BCAS3: variants seen among roughly 807,000 people sequenced by gnomAD.
BCAS3 encodes the protein BCAS3 microtubule associated cell migration factor.
Under a neutral mutation model 116.1 loss-of-function variants are expected in BCAS3, and 53 were observed. That is an observed-to-expected ratio of 0.46 (90% confidence interval 0.37 to 0.57). The LOEUF (loss-of-function observed/expected upper bound fraction) is 0.57. Ranked by LOEUF, BCAS3 falls within the 20% of genes least tolerant of loss-of-function variation. The pLI is 0.00. For missense variants in BCAS3, 917 were observed against 1,165.4 expected (o/e 0.79, Z 3.10); for synonymous variants, 391 against 408.2 (o/e 0.96, Z 0.51).
chr17:60,982,453 G>A (rs1458762891), intron 14 of BCAS3, among the ~76,000 whole-genome samples: 2 of 152,142 alleles, frequency 1.3e-5, no homozygotes, highest in Admixed American at 6.5e-5. Context: ...AGCTACAAGT[G>A]CATCATTGCG....
intron 22 of BCAS3, among the ~76,000 whole-genome samples, chr17:61,247,205 G>T (rs2048040530): frequency 6.6e-6 from 1 of 152,084 alleles, no homozygotes; most frequent in Non-Finnish European, 1.5e-5. Flanking sequence ...ATTTGATAAA[G>T]ATGAGGTTTT....
Position 61,122,636 on chromosome 17 carries a change from C to T in BCAS3, c.2425+38072C>T, listed in dbSNP as rs1370018894. Reference sequence around the variant, plus strand: ...AGGTCAGAACAAACATTATCTTGCTCCCATATGTTTTTGTAGGATCTTGAA... The same window carrying T: ...AGGTCAGAACAAACATTATCTTGCTTCCATATGTTTTTGTAGGATCTTGAA... On this transcript the variant is annotated intron_variant, in intron 22 of 23. Coordinates refer to ENST00000407086, the MANE Select transcript of BCAS3 (RefSeq NM_017679.5). The surrounding 1 kb of genome is among the most constrained non-coding windows in gnomAD (Gnocchi z 4.6). Among the ~76,000 whole-genome samples the T allele has an allele frequency of 1.3e-5, 2 of 152,108 alleles. No homozygotes were observed. The highest frequency in any genetic ancestry group is 4.8e-5 in the African/African-American group (2 of 41,398).
In BCAS3 at chr17:61,333,659, C is replaced by T. The variant is rs1340846175; in HGVS notation, c.2426-34668C>T. ...TTTTTGAGACAGAGTCTCGCTCTGT[C>T]GCCTAGGCTGGAGTGCAGTGGTGCG... On this transcript the variant is annotated intron_variant, in intron 22 of 23. Transcript: ENST00000407086. The surrounding 1 kb of genome is among the most constrained non-coding windows in gnomAD (Gnocchi z 4.8). 1.4e-5 allele frequency among the ~76,000 whole-genome samples: 2 copies of T among 147,838 alleles called. No individual in the cohort carries two copies. The highest frequency in any genetic ancestry group is 3.0e-5 in the Non-Finnish European group (2 of 67,538).
intron 7 of BCAS3, among the ~76,000 whole-genome samples, chr17:60,814,311 G>A (rs182688873): frequency 1.5e-4 from 22 of 150,142 alleles, no homozygotes; most frequent in Admixed American, 4.0e-4. Flanking sequence ...GTGTGTGCGC[G>A]CGTGCCCATT....
chr17:61,323,819 G>A lies in BCAS3; in HGVS notation c.2426-44508G>A, dbSNP rs1441195857. On this transcript the variant is annotated intron_variant, in intron 22 of 23. Coordinates refer to ENST00000407086, the MANE Select transcript of BCAS3 (RefSeq NM_017679.5). This position sits in a 1 kb window ranked among gnomAD's most constrained non-coding sequence, Gnocchi z 4.6. Reference sequence around the variant, plus strand: ...GCTGCTGGTAAGTGATCCAGCAGAAGCAGGCAGCCCTGGCTTATCCATGGC... The same window carrying A: ...GCTGCTGGTAAGTGATCCAGCAGAAACAGGCAGCCCTGGCTTATCCATGGC... Among the ~76,000 whole-genome samples, 1 of 152,242 alleles carries A rather than the reference G, an allele frequency of 6.6e-6. No homozygotes were observed. Among genetic ancestry groups the A allele is most frequent in the Non-Finnish European group, 1.5e-5 (1 of 68,054 alleles).
At position 60,807,997 on chromosome 17, in the gene BCAS3, C is replaced by T; in HGVS notation, c.404-7C>T. 1.3e-6 allele frequency: 2 copies of T among 1,586,314 alleles called. No individual in the cohort carries two copies. The highest frequency in any genetic ancestry group is 1.1e-5 in the South Asian group (1 of 88,904). On this transcript the variant is annotated splice_polypyrimidine_tract_variant and splice_region_variant and intron_variant, in intron 6 of 23. Coordinates refer to ENST00000407086, the MANE Select transcript of BCAS3 (RefSeq NM_017679.5). ...AAGCTTACAATTTATTTTATCCTTC[C>T]TGTCAGGTGCTCAAAAATGTGATAA... is the stretch of plus-strand genomic sequence containing the variant.
rs1191224393 is a variant in BCAS3 at position 60,964,890 on chromosome 17, CCTTT to C, written c.1221+17543_1221+17546del. On this transcript the variant is annotated intron_variant, in intron 14 of 23. Coordinates refer to ENST00000407086, the MANE Select transcript of BCAS3 (RefSeq NM_017679.5). This position sits in a 1 kb window ranked among gnomAD's most constrained non-coding sequence, Gnocchi z 4.6. ...TTCTGAGGTCTCAGTTGTTATGTGT[CCTTT>C]CTTTGTTTCTGATTTTATTTATTTA... is the stretch of plus-strand genomic sequence containing the variant. Among the ~76,000 whole-genome samples, 1 of 151,896 alleles carries C rather than the reference CCTTT, an allele frequency of 6.6e-6. No homozygotes were observed. The highest frequency in any genetic ancestry group is 1.5e-5 in the Non-Finnish European group (1 of 67,964).
intron 7 of BCAS3, among the ~76,000 whole-genome samples, chr17:60,823,303 C>T (rs1275007739): frequency 1.3e-5 from 2 of 151,972 alleles, no homozygotes; most frequent in South Asian, 2.1e-4. Context: ...GCAAGGGAAT[C>T]GTGAGTCCCA....
At chr17:60,772,825 A>G (rs2044861284) in intron 6 of BCAS3, among the ~76,000 whole-genome samples, 1 of 152,108 alleles carries the variant, frequency 6.6e-6, no homozygotes, top group Non-Finnish European at 1.5e-5. Flanking sequence ...GTGAGCTGAG[A>G]TCGCGCCACT....
chr17:60,895,497 A>G (rs922067372), intron 10 of BCAS3, among the ~76,000 whole-genome samples: 3 of 152,008 alleles, frequency 2.0e-5, no homozygotes, highest in African/African-American at 2.4e-5. Flanking sequence ...TTTTTGAAGA[A>G]CCAATTTTTT....
Position 61,158,509 on chromosome 17 carries a change from G to T in BCAS3, c.2425+73945G>T, listed in dbSNP as rs185111383. On this transcript the variant is annotated intron_variant, in intron 22 of 23. Transcript: ENST00000407086. ...CTGAATTCATGTAGCTATTATAATT[G>T]TTGGGAATTTTGGTAGTGAATCTTT... 9.4e-4 allele frequency among the ~76,000 whole-genome samples: 143 copies of T among 152,260 alleles called. 1 individual carries two copies. The highest frequency in any genetic ancestry group is 2.7e-3 in the Admixed American group (41 of 15,290).
chr17:61,234,730 G>A (rs1025409626), intron 22 of BCAS3, among the ~76,000 whole-genome samples: 1 of 148,760 alleles, frequency 6.7e-6, no homozygotes, highest in Admixed American at 6.7e-5. Context: ...TTTCCAGCCA[G>A]CAGTCTTCCC....
rs2145451775 is a variant in BCAS3 at position 60,995,422 on chromosome 17, A to G, written c.1486+5187A>G. Reference sequence around the variant, plus strand: ...AGTGATCTGCCCACCGTGGCCTCCCAAAGTGCTGGGATTACAGACATGAGC... The same window carrying G: ...AGTGATCTGCCCACCGTGGCCTCCCGAAGTGCTGGGATTACAGACATGAGC... On this transcript the variant is annotated intron_variant, in intron 15 of 23. Transcript: ENST00000407086. This position sits in a 1 kb window ranked among gnomAD's most constrained non-coding sequence, Gnocchi z 4.7. Among the ~76,000 whole-genome samples, 1 of 152,084 alleles carries G rather than the reference A, an allele frequency of 6.6e-6. No homozygotes were observed. The highest frequency in any genetic ancestry group is 2.4e-5 in the African/African-American group (1 of 41,476).
chr17:60,841,380 C>CT (rs1220454180), intron 7 of BCAS3, among the ~76,000 whole-genome samples: 2,816 of 137,876 alleles, frequency 0.02, 54 homozygotes, highest in African/African-American at 0.038. Context: ...TCTTCTCATA[C>CT]TTTTTTTTTT....
intron 14 of BCAS3, among the ~76,000 whole-genome samples, chr17:60,976,020 C>CTTTTTTTTTTTTTTGTTTTTTT (rs2062330872): frequency 1.0e-5 from 1 of 98,286 alleles, no homozygotes; most frequent in Non-Finnish European, 1.8e-5. Context: ...TAGATTTTTG[C>CTTTTTTTTTTTTTTGTTTTTTT]TTTTTTTTTT....
Position 61,235,801 on chromosome 17 carries a change from T to C in BCAS3, c.2426-132526T>C, listed in dbSNP as rs945167599. Among the ~76,000 whole-genome samples the C allele has an allele frequency of 6.6e-6, 1 of 152,038 alleles. No homozygotes were observed. The highest frequency in any genetic ancestry group is 2.4e-5 in the African/African-American group (1 of 41,394). On this transcript the variant is annotated intron_variant, in intron 22 of 23. Coordinates refer to ENST00000407086, the MANE Select transcript of BCAS3 (RefSeq NM_017679.5). This position sits in a 1 kb window ranked among gnomAD's most constrained non-coding sequence, Gnocchi z 5.0. ...TGGAGACTGGGGGAAAAGGACTGAT[T>C]ATATGTTAGCTTAACAGTAATACTA...
intron 7 of BCAS3, among the ~76,000 whole-genome samples, chr17:60,860,235 C>T (rs1038425780): frequency 4.6e-5 from 7 of 152,218 alleles, no homozygotes; most frequent in East Asian, 1.9e-4. Flanking sequence ...TGATTTGCAC[C>T]TCTCTAATGA....
intron 22 of BCAS3, among the ~76,000 whole-genome samples, chr17:61,182,410 G>A (rs767520115): frequency 2.0e-5 from 3 of 151,852 alleles, no homozygotes; most frequent in Non-Finnish European, 4.4e-5. Context: ...AACCCCACTA[G>A]CCATCACCCA....
intron 22 of BCAS3, among the ~76,000 whole-genome samples, chr17:61,172,530 G>A (rs952260834): frequency 2.0e-5 from 3 of 152,026 alleles, no homozygotes; most frequent in Non-Finnish European, 2.9e-5. Flanking sequence ...CTAGCTACTC[G>A]GGAGGCTGAG....
Sources: allele counts gnomAD v4.1 joint callset (sites outside exome capture counted in the v4.1 genomes callset), GRCh38; gene constraint gnomAD v4.1.1; non-coding constraint Gnocchi (gnomAD v3.1); transcripts MANE v1.5; gene names NCBI Gene and HGNC (gene_info 2026-07-23, HGNC 2026-07-21).